GMDS: variants seen among roughly 807,000 people sequenced by gnomAD.
GMDS encodes the protein GDP-mannose 4,6 dehydratase.
In GMDS, 20 loss-of-function variants were observed where a neutral mutation model predicts 49.9. That is an observed-to-expected ratio of 0.40 (90% CI 0.28 to 0.58). GMDS has a LOEUF of 0.58. Ranked by LOEUF, GMDS falls within the 20% of genes least tolerant of loss-of-function variation. GMDS has a pLI of 0.42. For synonymous variants in GMDS, 177 were observed against 178.6 expected (o/e 0.99, Z 0.07); for missense variants, 362 against 481.4 (o/e 0.75, Z 2.32).
At chr6:1,937,871 C>T (rs1216483282) in intron 6 of GMDS, among the ~76,000 whole-genome samples, 7 of 152,124 alleles carry the variant, frequency 4.6e-5, no homozygotes, top group South Asian at 2.1e-4. Flanking sequence ...ACTATAAGAA[C>T]GAAGGTTTAG....
At chr6:1,666,106 A>G (rs1228192282) in intron 9 of GMDS, among the ~76,000 whole-genome samples, 1 of 152,172 alleles carries the variant, frequency 6.6e-6, no homozygotes, top group East Asian at 1.9e-4. Context: ...GGGCTTTCAT[A>G]TAAGTGGGCT....
chr6:1,769,031 T>C (rs1164788599), intron 7 of GMDS, among the ~76,000 whole-genome samples: 1 of 152,224 alleles, frequency 6.6e-6, no homozygotes, highest in Non-Finnish European at 1.5e-5. Context: ...GATTATACTA[T>C]ATTCTACAGA....
chr6:1,716,802 CTT>C, intron 9 of GMDS, among the ~76,000 whole-genome samples: 1 of 152,338 alleles, frequency 6.6e-6, no homozygotes, highest in South Asian at 2.1e-4. Context: ...CCAACTCTCT[CTT>C]TTAATTACAA....
At position 2,125,178 on chromosome 6, in the gene GMDS, C is replaced by T. The variant is rs560945084; in HGVS notation, c.103-447G>A. 4.6e-5 allele frequency among the ~76,000 whole-genome samples: 7 copies of T among 152,266 alleles called. 1 individual carries two copies. The South Asian group carries it at 1.4e-3, about 32-fold the overall frequency. ...GGGGGTCAGGCACAGTTGCTCACAC[C>T]TATAATCCTGGTACTTTGGGAGGTC... On this transcript the variant is annotated intron_variant, in intron 1 of 10. Transcript: ENST00000380815.
chr6:2,088,672 T>A lies in GMDS; in HGVS notation c.345+27099A>T, dbSNP rs1370682682. 2.6e-5 allele frequency among the ~76,000 whole-genome samples: 4 copies of A among 152,170 alleles called. No individual in the cohort carries two copies. In the South Asian group the frequency reaches 8.3e-4, roughly 32 times the overall value. On this transcript the variant is annotated intron_variant, in intron 4 of 10. Coordinates refer to ENST00000380815, the MANE Select transcript of GMDS (RefSeq NM_001500.4). ...TGGTTCTTTCTGATCACAATCTTGA[T>A]CCTAGAGATGAAATACTCCACCTGG...
At chr6:2,180,173 C>T (rs571524005) in intron 1 of GMDS, among the ~76,000 whole-genome samples, 13 of 152,264 alleles carry the variant, frequency 8.5e-5, no homozygotes, top group African/African-American at 3.1e-4. Context: ...GGCATAGACA[C>T]CAGAGGTTGT....
At chr6:2,060,191 C>A (rs1023614739) in intron 4 of GMDS, among the ~76,000 whole-genome samples, 2 of 152,110 alleles carry the variant, frequency 1.3e-5, no homozygotes, top group African/African-American at 2.4e-5. Flanking sequence ...CCAAGCAAGG[C>A]GACCCTGGCG....
In GMDS at chr6:1,624,552, G is replaced by T. The variant is rs1445159522; in HGVS notation, c.988-12C>A. 1 of 1,609,348 alleles carries T rather than the reference G, an allele frequency of 6.2e-7. No homozygotes were observed. The highest frequency in any genetic ancestry group is 1.3e-5 in the African/African-American group (1 of 74,840). ...CCCTGCAGAAAGTCCTAGGGAAGAA[G>T]AGGGGGAGACGAAGCAGGCGTGGGT... On this transcript the variant is annotated splice_polypyrimidine_tract_variant and intron_variant, in intron 9 of 10. Transcript: ENST00000380815.
chr6:1,939,494 CATATACACACATGCATATAT>C (rs1404279722), intron 6 of GMDS, among the ~76,000 whole-genome samples: 2 of 151,622 alleles, frequency 1.3e-5, no homozygotes, highest in African/African-American at 2.4e-5. Flanking sequence ...CAAGGATATA[CATATACACACATGCATATAT>C]ATATACACAC....
At chr6:1,912,221 C>A (rs972705042) in intron 7 of GMDS, among the ~76,000 whole-genome samples, 3 of 152,030 alleles carry the variant, frequency 2.0e-5, no homozygotes, top group Admixed American at 1.3e-4. Flanking sequence ...CAAAAATTAG[C>A]CAGGTGCGGT....
At chr6:1,801,286 G>T (rs748540965) in intron 7 of GMDS, among the ~76,000 whole-genome samples, 3 of 152,244 alleles carry the variant, frequency 2.0e-5, no homozygotes, top group Non-Finnish European at 2.9e-5. Flanking sequence ...AAAAAAGCAA[G>T]CTATGCTCCT....
chr6:1,869,020 C>T (rs1043446555), intron 7 of GMDS, among the ~76,000 whole-genome samples: 3 of 152,074 alleles, frequency 2.0e-5, no homozygotes, highest in Non-Finnish European at 4.4e-5. Context: ...TGAAACCATC[C>T]GTGACAGTGG....
At chr6:1,947,307 G>A (rs1166115089) in intron 6 of GMDS, among the ~76,000 whole-genome samples, 1 of 152,158 alleles carries the variant, frequency 6.6e-6, no homozygotes, top group African/African-American at 2.4e-5. Context: ...ATTTATCAGT[G>A]TTCCTCTGAG....
intron 2 of GMDS, among the ~76,000 whole-genome samples, chr6:2,123,031 T>C (rs1345807553): frequency 2.0e-5 from 3 of 152,264 alleles, no homozygotes; most frequent in Non-Finnish European, 2.9e-5. Context: ...TAGGTTCTTG[T>C]TGCATCGATT....
At chr6:2,064,105 A>C (rs1771377104) in intron 4 of GMDS, among the ~76,000 whole-genome samples, 2 of 152,218 alleles carry the variant, frequency 1.3e-5, no homozygotes. Context: ...AAACACCAAC[A>C]AAAGGCACCC....
intron 6 of GMDS, among the ~76,000 whole-genome samples, chr6:1,931,516 A>T (rs1561900937): frequency 6.6e-6 from 1 of 152,242 alleles, no homozygotes; most frequent in Non-Finnish European, 1.5e-5. Flanking sequence ...CAAAGTTTCA[A>T]CTTTCCACAG....
intron 9 of GMDS, among the ~76,000 whole-genome samples, chr6:1,626,662 A>T (rs1762856506): frequency 6.6e-6 from 1 of 152,174 alleles, no homozygotes; most frequent in Non-Finnish European, 1.5e-5. Context: ...ACTGGCTGTA[A>T]ATCAACCAGC....
intron 7 of GMDS, among the ~76,000 whole-genome samples, chr6:1,909,458 T>C (rs1446950556): frequency 2.6e-5 from 4 of 152,230 alleles, no homozygotes; most frequent in Non-Finnish European, 5.9e-5. Flanking sequence ...TTAGGTCCTT[T>C]ACTTTAGAAA....
chr6:1,980,432 TAAA>T (rs66838040), intron 4 of GMDS, among the ~76,000 whole-genome samples: 18,311 of 146,872 alleles, frequency 0.12, 1,429 homozygotes, highest in East Asian at 0.21. Flanking sequence ...CAACAAAGAT[TAAA>T]AAAAAAAAAG....
Sources: allele counts gnomAD v4.1 joint callset (sites outside exome capture counted in the v4.1 genomes callset), GRCh38; gene constraint gnomAD v4.1.1; transcripts MANE v1.5; gene names NCBI Gene and HGNC (gene_info 2026-07-23, HGNC 2026-07-21).